Variants in KRT77 observed in about 807,000 individuals in gnomAD.
KRT77 encodes keratin 77, also known as keratin, type II cytoskeletal 1b.
A neutral mutation model predicts 51.5 loss-of-function variants in KRT77; 44 were observed. That is an observed-to-expected ratio of 0.85 (90% CI 0.67 to 1.10). The LOEUF is 1.10. KRT77 is among the 50% of genes least tolerant of loss of function. The probability of loss-of-function intolerance (pLI) is 0.00; values close to 1 mark genes in which losing one functional copy is unlikely to be tolerated. For synonymous variants in KRT77, 293 were observed against 302.0 expected, an observed-to-expected ratio of 0.97 and a Z score of 0.31; for missense variants, 763 against 743.9, an observed-to-expected ratio of 1.03 and a Z score of -0.30.
intron 4 of KRT77, chr12:52,695,395 A>G: frequency 5.0e-6 from 1 of 198,438 alleles, no homozygotes; most frequent in Admixed American, 5.2e-5. Flanking sequence ...ACTCCCTTTG[A>G]GACTCACACT....
Position 52,696,406 on chromosome 12 carries a change from C to T in KRT77, c.783G>A (p.Arg261=), listed in dbSNP as rs7138818. Residue 261 remains arginine, a synonymous_variant, in exon 3 of 9, where the codon AGG becomes AGA. Transcript: ENST00000341809. The stretch of plus-strand genomic sequence containing the variant: ...CGACAAAGTCATTCTCGCTGCCAGT[C>T]CTCTTGTTGATTTCATCCTCATACC... ...KSKYEDEINK[R]TGSENDFVVL... The T allele has an allele frequency of 0.42, 676,293 of 1,613,284 alleles. 143,471 individuals carry two copies. Among genetic ancestry groups the T allele is most frequent in the African/African-American group, 0.45 (34,054 of 74,944 alleles).
At chr12:52,697,576 G>A (rs1419108575) in intron 2 of KRT77, 106 bp downstream of exon 2, 2 of 237,222 alleles carry the variant, frequency 8.4e-6, no homozygotes, top group East Asian at 2.0e-4. Flanking sequence ...GAGCCTGCAT[G>A]CCCCGCCCCC....
At position 52,691,073 on chromosome 12, in the gene KRT77, T is replaced by C. The variant is rs1375448117; in HGVS notation, c.*92A>G. On this transcript the variant is annotated 3_prime_UTR_variant, in exon 9 of 9. Transcript: ENST00000341809. Reference sequence around the variant, plus strand: ...AATTGCTGAGACCCATTAAGAAAAGTGAATGAGAGGGGATCAGGAAGGGCG... The same window carrying C: ...AATTGCTGAGACCCATTAAGAAAAGCGAATGAGAGGGGATCAGGAAGGGCG... 1 of 1,573,646 alleles carries C rather than the reference T, an allele frequency of 6.4e-7. No individual in the cohort carries two copies. Among genetic ancestry groups the C allele is most frequent in the East Asian group, 2.3e-5 (1 of 44,426 alleles).
intron 6 of KRT77, 32 bp downstream of exon 6, chr12:52,692,723 C>T: frequency 1.2e-6 from 2 of 1,602,226 alleles, no homozygotes; most frequent in East Asian, 2.2e-5. Context: ...AGGTGCAGGG[C>T]TTGGTCAGCC....
chr12:52,692,668 T>C (rs761040616), intron 6 of KRT77, 27 bp from the exon 7 acceptor site: 1 of 1,594,780 alleles, frequency 6.3e-7, no homozygotes, highest in South Asian at 1.1e-5. Context: ...TGGAGACCAT[T>C]TAATGGTTAA....
Position 52,694,606 on chromosome 12 carries a change from G to T in KRT77, c.1080+20C>A, listed in dbSNP as rs556150139. On this transcript the variant is annotated intron_variant, in intron 5 of 8. Coordinates refer to ENST00000341809, the MANE Select transcript of KRT77 (RefSeq NM_175078.3). ...GAAGAATCTGTTTTTCTGGGCACCAGATCTGGGGGCCACGCCCACCTTGGT... is the reference window on the plus strand; with the variant it reads ...GAAGAATCTGTTTTTCTGGGCACCATATCTGGGGGCCACGCCCACCTTGGT... 1 of 1,580,816 alleles carries T rather than the reference G, an allele frequency of 6.3e-7. No individual in the cohort carries two copies. The highest frequency in any genetic ancestry group is 1.2e-5 in the South Asian group (1 of 85,904).
In KRT77 at chr12:52,694,726, CG is replaced by C; in HGVS notation, c.979del (p.Arg327ValfsTer18). The C allele has an allele frequency of 2.5e-6, 4 of 1,613,520 alleles. No homozygotes were observed. The highest frequency in any genetic ancestry group is 3.4e-6 in the Non-Finnish European group (4 of 1,179,550). ...GATGATGCTGTCCAGGTCCAGGGAA[CG>C]GTTATTGTCCATGGACAGGATGACG... ...TNVILSMDNN[R>X]SLDLDSIIDA... On this transcript the variant is annotated frameshift_variant, in exon 5 of 9. Coordinates refer to ENST00000341809, the MANE Select transcript of KRT77 (RefSeq NM_175078.3). LOFTEE classifies it high-confidence loss of function.
intron 1 of KRT77, 45 bp from the exon 2 acceptor site, chr12:52,697,941 C>T: frequency 6.4e-7 from 1 of 1,571,450 alleles, no homozygotes; most frequent in African/African-American, 1.3e-5. Context: ...TGGATCAGAG[C>T]AGCTCCCCCA....
intron 4 of KRT77, 70 bp from the exon 5 acceptor site, chr12:52,694,860 C>A (rs1283961867): frequency 1.5e-6 from 2 of 1,379,082 alleles, no homozygotes; most frequent in Admixed American, 2.2e-5. Context: ...CTCTGCTGCT[C>A]CCTCAAGGCT....
At position 52,692,448 on chromosome 12, in the gene KRT77, C is replaced by T. The variant is rs757643596; in HGVS notation, c.1400G>A (p.Arg467His). The T allele has an allele frequency of 6.8e-6, 11 of 1,613,876 alleles. No individual in the cohort carries two copies. Among genetic ancestry groups the T allele is most frequent in the South Asian group, 5.5e-5 (5 of 91,072 alleles). Residue 467 changes from arginine (R) to histidine (H), a missense_variant, in exon 7 of 9, where the codon CGC becomes CAC. By Grantham distance (29) the Arg-to-His change is conservative. Transcript: ENST00000341809. ...GCTCTCCTCGCCCTCCAGCAGCTGG[C>T]GGTAGGTGGCGATCTCCACATCCAG... ...LSLDVEIATY[R>H]QLLEGEESRM...
chr12:52,698,524 G>T (rs185914774), intron 1 of KRT77, among the ~76,000 whole-genome samples: 139 of 152,308 alleles, frequency 9.1e-4, no homozygotes, highest in South Asian at 8.5e-3. Context: ...CCAAAGTGAG[G>T]ACTTTGGGTT....
intron 1 of KRT77, 187 bp from the exon 2 acceptor site, chr12:52,698,083 T>A: frequency 6.7e-7 from 1 of 1,491,240 alleles, no homozygotes; most frequent in Non-Finnish European, 8.9e-7. Context: ...TGACTGCCAA[T>A]GGCTGTAAGG....
chr12:52,695,906 GGC>G, intron 3 of KRT77, 39 bp from the exon 4 acceptor site: 1 of 1,289,684 alleles, frequency 7.8e-7, no homozygotes, highest in South Asian at 1.2e-5. Context: ...TTATTGCCCA[GGC>G]ATTGCCTGCC....
Position 52,692,528 on chromosome 12 carries a change from C to T in KRT77, c.1320G>A (p.Glu440=). The change falls in exon 7 of 9, where the codon GAG becomes GAA. Residue 440 remains glutamate, a synonymous_variant. Transcript: ENST00000341809. ...AGTCACGCAGCAGCCGGGCCAGCTC[C>T]TCCTTGGACTGCTGCAGGGCCTCCT... The part of the protein sequence containing the change: ...DLEEALQQSK[E]ELARLLRDYQ... 6.2e-7 allele frequency: 1 copy of T among 1,614,074 alleles called. No homozygotes were observed.
rs930779636 is a variant in KRT77 at position 52,690,969 on chromosome 12, G to A, written c.*196C>T. 3 of 710,794 alleles carry A rather than the reference G, an allele frequency of 4.2e-6. No homozygotes were observed. The highest frequency in any genetic ancestry group is 3.6e-5 in the African/African-American group (2 of 55,870). The allele number at this position is 710,794 out of a possible 1,614,324, so 44.0% of individuals were successfully genotyped here. A position where few individuals can be genotyped will look rare whatever the true frequency, so the allele number is the denominator to read the frequency against. On this transcript the variant is annotated 3_prime_UTR_variant, in exon 9 of 9. Coordinates refer to ENST00000341809, the MANE Select transcript of KRT77 (RefSeq NM_175078.3). ...TGCCTAGCTGTGAATCTGACTGCAA[G>A]CCAGTGCCCTCCAAAGAGAGATCTG... is the stretch of plus-strand genomic sequence containing the variant.
At position 52,691,943 on chromosome 12, in the gene KRT77, C is replaced by A; in HGVS notation, c.1457G>T (p.Ser486Ile). 1 of 1,614,032 alleles carries A rather than the reference C, an allele frequency of 6.2e-7. No homozygotes were observed. Among genetic ancestry groups the A allele is most frequent in the South Asian group, 1.1e-5 (1 of 91,082 alleles). Residue 486 changes from serine (S) to isoleucine (I), a missense_variant, in exon 8 of 9, where the codon AGC becomes ATC. Coordinates refer to ENST00000341809, the MANE Select transcript of KRT77 (RefSeq NM_175078.3). ...RMSGELQSHV[S>I]ISVQNSQVSV... is the part of the protein sequence containing the mutation. ...CCCTGGGCTCTGCTACTTACAGATG[C>A]TCACATGGCTCTGCAGCTCTCCTGA...
In KRT77 at chr12:52,691,524, C is replaced by G. The variant is rs984653549; in HGVS notation, c.1463-85G>C. 6 of 1,434,526 alleles carry G rather than the reference C, an allele frequency of 4.2e-6. No individual in the cohort carries two copies. The African/African-American group carries it at 5.7e-5, about 14-fold the overall frequency. 88.9% of individuals were successfully genotyped at this position (1,434,526 alleles called of 1,614,324 possible). ...CCCGCCCCTGCACCTGCAGCCTCCTCCATCCTCGATCACCCGTGGCATCGA... is the reference window on the plus strand; with the variant it reads ...CCCGCCCCTGCACCTGCAGCCTCCTGCATCCTCGATCACCCGTGGCATCGA... On this transcript the variant is annotated intron_variant, in intron 8 of 8. Coordinates refer to ENST00000341809, the MANE Select transcript of KRT77 (RefSeq NM_175078.3).
chr12:52,695,627 A>G, intron 4 of KRT77, 145 bp downstream of exon 4: 1 of 615,658 alleles, frequency 1.6e-6, no homozygotes, highest in Non-Finnish European at 3.0e-6. Context: ...AGGATGGCTG[A>G]CTCCAGGCCC....
rs643027 is a variant in KRT77 at position 52,691,088 on chromosome 12, C to T, written c.*77G>A. The stretch of plus-strand genomic sequence containing the variant: ...TTAAGAAAAGTGAATGAGAGGGGAT[C>T]AGGAAGGGCGTGGAGGGGAGGAGTT... On this transcript the variant is annotated 3_prime_UTR_variant, in exon 9 of 9. Transcript: ENST00000341809. 568,060 of 1,596,956 alleles carry T rather than the reference C, an allele frequency of 0.36. 102,913 individuals carry two copies. The highest frequency in any genetic ancestry group is 0.58 in the East Asian group (26,079 of 44,588).
Sources: allele counts gnomAD v4.1 joint callset (sites outside exome capture counted in the v4.1 genomes callset), GRCh38; gene constraint gnomAD v4.1.1; transcripts MANE v1.5; gene names NCBI Gene and HGNC (gene_info 2026-07-23, HGNC 2026-07-21).